The following GLS variants were observed in gnomAD, a reference collection of about 807,000 sequenced individuals.
The protein encoded by GLS is glutaminase.
GLS carries 36 observed loss-of-function variants against 86.7 expected under a neutral mutation model. The ratio of observed to expected loss-of-function variants is 0.42; its 90% confidence interval spans 0.32 to 0.55. GLS has a LOEUF of 0.55. GLS is among the 20% of genes least tolerant of loss of function. The pLI, the probability that GLS is intolerant of heterozygous loss-of-function variation, is 0.17. For missense variants in GLS, 528 were observed against 833.4 expected (o/e 0.63, Z 4.51); for synonymous variants, 317 against 305.9 (o/e 1.04, Z -0.38).
At position 190,920,931 on chromosome 2, in the gene GLS, T is replaced by G; in HGVS notation, c.1039-93T>G. 1 of 689,050 alleles carries G rather than the reference T, an allele frequency of 1.5e-6. No individual in the cohort carries two copies. Among genetic ancestry groups the G allele is most frequent in the Non-Finnish European group, 2.6e-6 (1 of 379,030 alleles). The allele number at this position is 689,050 out of a possible 1,614,324, so 42.7% of individuals were successfully genotyped here. On this transcript the variant is annotated intron_variant, in intron 7 of 17. Coordinates refer to ENST00000320717, the MANE Select transcript of GLS (RefSeq NM_014905.5). The surrounding 1 kb of genome is among the most constrained non-coding windows in gnomAD (Gnocchi z 4.2). ...GATTTAAAAATACTAATGCAGTATA[T>G]TATAATAGTAGCTTTGAAATTTTGA...
In GLS at chr2:190,935,133, CTT is replaced by C; in HGVS notation, c.1650+3498_1650+3499del. The C allele has an allele frequency of 1.1e-6, 1 of 939,622 alleles. No individual in the cohort carries two copies. The highest frequency in any genetic ancestry group is 1.3e-6 in the Non-Finnish European group (1 of 788,626). The allele number at this position is 939,622 out of a possible 1,614,324, so 58.2% of individuals were successfully genotyped here. A position where few individuals can be genotyped will look rare whatever the true frequency, so the allele number is the denominator to read the frequency against. On this transcript the variant is annotated intron_variant, in intron 14 of 17. Transcript: ENST00000320717. This position sits in a 1 kb window ranked among gnomAD's most constrained non-coding sequence, Gnocchi z 4.2. Reference sequence around the variant, plus strand: ...TGAAATGCATATTGTTCTTGAAGTACTTTGTTTTTAGCATAAATGTTGTGCAT... The same window carrying C: ...TGAAATGCATATTGTTCTTGAAGTACTGTTTTTAGCATAAATGTTGTGCAT...
Position 190,963,058 on chromosome 2 carries a change from T to G in GLS, c.*72T>G, listed in dbSNP as rs1691041213. 1 of 1,094,092 alleles carries G rather than the reference T, an allele frequency of 9.1e-7. No individual in the cohort carries two copies. Among genetic ancestry groups the G allele is most frequent in the Non-Finnish European group, 1.3e-6 (1 of 755,794 alleles). The allele number at this position is 1,094,092 out of a possible 1,614,324, so 67.8% of individuals were successfully genotyped here. A position where few individuals can be genotyped will look rare whatever the true frequency, so the allele number is the denominator to read the frequency against. On this transcript the variant is annotated 3_prime_UTR_variant, in exon 18 of 18. Coordinates refer to ENST00000320717, the MANE Select transcript of GLS (RefSeq NM_014905.5). ...AAAATGATTATGAAGAACATGTGTA[T>G]TTCTATCTGGTAGTGATGTATATTT... is the stretch of plus-strand genomic sequence containing the variant.
rs1469028901 is a variant in GLS at position 190,953,972 on chromosome 2, G to GTT, written c.1712+347_1712+348insTT. Reference sequence around the variant, plus strand: ...GATATGTGTGTGTGTGTGTGTGTGTGTGTGTGTGTGTGTGTGTGTGTGTGA... The same window carrying GTT: ...GATATGTGTGTGTGTGTGTGTGTGTGTTTGTGTGTGTGTGTGTGTGTGTGTGA... On this transcript the variant is annotated intron_variant, in intron 15 of 17. Coordinates refer to ENST00000320717, the MANE Select transcript of GLS (RefSeq NM_014905.5). The surrounding 1 kb of genome is among the most constrained non-coding windows in gnomAD (Gnocchi z 4.0). 2.6e-5 allele frequency among the ~76,000 whole-genome samples: 4 copies of GTT among 151,462 alleles called. No homozygotes were observed. The highest frequency in any genetic ancestry group is 9.7e-5 in the African/African-American group (4 of 41,194).
rs1304432494 is a variant in GLS at position 190,964,058 on chromosome 2, G to GA, written c.*1073dup. ...ATCAAGAGATTTGTCCTCCTTGGGG[G>GA]ACCACTGGATCATTCCAGATTTCTT... On this transcript the variant is annotated 3_prime_UTR_variant, in exon 18 of 18. Transcript: ENST00000320717. The surrounding 1 kb of genome is among the most constrained non-coding windows in gnomAD (Gnocchi z 5.2). 1.3e-5 allele frequency: 2 copies of GA among 151,954 alleles called. No individual in the cohort carries two copies. Among genetic ancestry groups the GA allele is most frequent in the African/African-American group, 4.8e-5 (2 of 41,360 alleles). The allele number at this position is 151,954 out of a possible 1,614,324, so 9.4% of individuals were successfully genotyped here. A position where few individuals can be genotyped will look rare whatever the true frequency, so the allele number is the denominator to read the frequency against.
chr2:190,891,118 C>G (rs1688547534), intron 1 of GLS, among the ~76,000 whole-genome samples: 1 of 151,672 alleles, frequency 6.6e-6, no homozygotes, highest in South Asian at 2.1e-4. Context: ...CTTGTTGCTC[C>G]TAATTACAGA....
chr2:190,961,267 C>A (rs1690994192), intron 17 of GLS, among the ~76,000 whole-genome samples: 1 of 152,130 alleles, frequency 6.6e-6, no homozygotes, highest in South Asian at 2.1e-4. Flanking sequence ...GGCGTGATCT[C>A]GTTCACTGCA....
rs532098103 is a variant in GLS, at chr2:190,881,194, G to A, written c.110G>A (p.Arg37His). 5.5e-4 allele frequency: 718 copies of A among 1,307,422 alleles called. 5 individuals carry two copies. The African/African-American group carries it at 0.01, about 19-fold the overall frequency. 81.0% of individuals were successfully genotyped at this position (1,307,422 alleles called of 1,614,324 possible). ...RAQPLVTLCRRPRGGGRPAAG... is the reference protein window; with the variant it reads ...RAQPLVTLCRHPRGGGRPAAG... The stretch of plus-strand genomic sequence containing the variant: ...CAGCCCTTGGTCACCCTGTGCCGGC[G>A]TCCCCGAGGCGGGGGACGGCCGGCC... The change falls in exon 1 of 18, where the codon CGT becomes CAT. Residue 37 changes from arginine (R) to histidine (H), a missense_variant. Around this residue, in one of 4 missense-constraint regions of GLS, gnomAD observed 224 missense variants for 187.9 expected, o/e 1.19. Transcript: ENST00000320717.
At position 190,963,673 on chromosome 2, in the gene GLS, C is replaced by T. The variant is rs769243156; in HGVS notation, c.*687C>T. ...ATATCCCCTTAGTCCAGCCTCTCTTCTCAGACATTTAGCTATCTGCCTCTT... is the reference window on the plus strand; with the variant it reads ...ATATCCCCTTAGTCCAGCCTCTCTTTTCAGACATTTAGCTATCTGCCTCTT... On this transcript the variant is annotated 3_prime_UTR_variant, in exon 18 of 18. Transcript: ENST00000320717. 8 of 152,750 alleles carry T rather than the reference C, an allele frequency of 5.2e-5. No homozygotes were observed. Among genetic ancestry groups the T allele is most frequent in the Admixed American group, 2.6e-4 (4 of 15,302 alleles). The allele number at this position is 152,750 out of a possible 1,614,324, so 9.5% of individuals were successfully genotyped here. A position where few individuals can be genotyped will look rare whatever the true frequency, so the allele number is the denominator to read the frequency against.
intron 12 of GLS, 76 bp downstream of exon 12, chr2:190,927,558 C>T (rs1172536779): frequency 1.9e-6 from 2 of 1,036,524 alleles, no homozygotes; most frequent in African/African-American, 1.6e-5. Context: ...GCAGTTTGAA[C>T]TTTGCTTCTA....
intron 7 of GLS, 106 bp downstream of exon 7, chr2:190,910,427 C>A: frequency 6.7e-6 from 4 of 601,268 alleles, no homozygotes; most frequent in East Asian, 5.8e-5. Context: ...GAAAAATTTT[C>A]TCTTGGTGTT....
chr2:190,931,441 A>T (rs1690102492), intron 13 of GLS, 104 bp from the exon 14 acceptor site: 2 of 507,128 alleles, frequency 3.9e-6, no homozygotes. Flanking sequence ...GCATGTAGTG[A>T]TGATTTCTAG....
chr2:190,895,344 T>C lies in GLS; in HGVS notation c.483+96T>C. ...ATATAGTCTTAAAGGTCGTCTGACA[T>C]GTAGATTCTGACTGACAATATTTCT... is the stretch of plus-strand genomic sequence containing the variant. On this transcript the variant is annotated intron_variant, in intron 2 of 17. Transcript: ENST00000320717. The surrounding 1 kb of genome is among the most constrained non-coding windows in gnomAD (Gnocchi z 4.2). 1 of 572,980 alleles carries C rather than the reference T, an allele frequency of 1.7e-6. No individual in the cohort carries two copies. The highest frequency in any genetic ancestry group is 3.1e-6 in the Non-Finnish European group (1 of 323,468). 35.5% of individuals were successfully genotyped at this position (572,980 alleles called of 1,614,324 possible).
Position 190,905,377 on chromosome 2 carries a change from TTC to T in GLS, c.979+216_979+217del, listed in dbSNP as rs1304106218. On this transcript the variant is annotated intron_variant, in intron 6 of 17. Transcript: ENST00000320717. This position sits in a 1 kb window ranked among gnomAD's most constrained non-coding sequence, Gnocchi z 4.6. ...GAAGTGGGCTAGGGAGAACATGAACTTCTCTCTTCATAACCACCTTTAGGGAA... is the reference window on the plus strand; with the variant it reads ...GAAGTGGGCTAGGGAGAACATGAACTTCTCTTCATAACCACCTTTAGGGAA... 9.6e-6 allele frequency: 4 copies of T among 418,538 alleles called. No individual in the cohort carries two copies. The highest frequency in any genetic ancestry group is 1.7e-5 in the Non-Finnish European group (4 of 235,356). The allele number at this position is 418,538 out of a possible 1,614,324, so 25.9% of individuals were successfully genotyped here. A position where few individuals can be genotyped will look rare whatever the true frequency, so the allele number is the denominator to read the frequency against.
chr2:190,881,748 C>T (rs1688203599), intron 1 of GLS, among the ~76,000 whole-genome samples: 1 of 152,158 alleles, frequency 6.6e-6, no homozygotes, highest in Non-Finnish European at 1.5e-5. Context: ...GCTCGCCTGG[C>T]GTCCCCAGCG....
rs1310318402 is a variant in GLS, at chr2:190,951,311, G to A, written c.1651-2254G>A. 6.6e-6 allele frequency among the ~76,000 whole-genome samples: 1 copy of A among 152,072 alleles called. No homozygotes were observed. Among genetic ancestry groups the A allele is most frequent in the East Asian group, 1.9e-4 (1 of 5,188 alleles). ...GAGCTTTGGAGAGCGCTGTTTAGAG[G>A]TAACAATGAGTGTGAAGGTAATTTT... is the stretch of plus-strand genomic sequence containing the variant. On this transcript the variant is annotated intron_variant, in intron 14 of 17. Transcript: ENST00000320717. The surrounding 1 kb of genome is among the most constrained non-coding windows in gnomAD (Gnocchi z 4.2).
intron 14 of GLS, among the ~76,000 whole-genome samples, chr2:190,940,378 A>G (rs1690391091): frequency 1.3e-5 from 2 of 152,044 alleles, no homozygotes; most frequent in African/African-American, 4.8e-5. Flanking sequence ...GGTGACTAAT[A>G]CTATTAATCC....
chr2:190,898,984 A>G (rs1688848926), intron 3 of GLS, among the ~76,000 whole-genome samples: 1 of 152,194 alleles, frequency 6.6e-6, no homozygotes, highest in South Asian at 2.1e-4. Flanking sequence ...GTAGGTTAAT[A>G]ATTTAAATTT....
At position 190,895,312 on chromosome 2, in the gene GLS, T is replaced by C. The variant is rs1279829678; in HGVS notation, c.483+64T>C. 1 of 663,614 alleles carries C rather than the reference T, an allele frequency of 1.5e-6. No homozygotes were observed. Among genetic ancestry groups the C allele is most frequent in the Non-Finnish European group, 2.6e-6 (1 of 377,728 alleles). The allele number at this position is 663,614 out of a possible 1,614,324, so 41.1% of individuals were successfully genotyped here. A position where few individuals can be genotyped will look rare whatever the true frequency, so the allele number is the denominator to read the frequency against. On this transcript the variant is annotated intron_variant, in intron 2 of 17. Coordinates refer to ENST00000320717, the MANE Select transcript of GLS (RefSeq NM_014905.5). This position sits in a 1 kb window ranked among gnomAD's most constrained non-coding sequence, Gnocchi z 4.2. ...CAATAATAATAAATATATACAGTAT[T>C]ATTGAAATATAGTCTTAAAGGTCGT...
intron 1 of GLS, among the ~76,000 whole-genome samples, chr2:190,888,725 G>A (rs1482059540): frequency 6.6e-6 from 1 of 152,174 alleles, no homozygotes; most frequent in African/African-American, 2.4e-5. Context: ...GTTCTCTCAT[G>A]CCTTGATTGG....
Sources: gnomAD v4.1 joint callset for allele counts (sites outside exome capture counted in the v4.1 genomes callset) on GRCh38, gnomAD v4.1.1 for gene constraint, gnomAD v4.1.1 regional missense constraint, Gnocchi (gnomAD v3.1) non-coding constraint, MANE v1.5 for transcripts, NCBI Gene and HGNC (gene_info 2026-07-23, HGNC 2026-07-21) for gene names.